The following ERC2 variants were observed in gnomAD, a reference collection of about 807,000 sequenced individuals.
The protein encoded by ERC2 is ELKS/RAB6-interacting/CAST family member 2, also known as ERC protein 2.
ERC2 carries 42 observed loss-of-function variants against 114.8 expected under a neutral mutation model. That is an observed-to-expected ratio of 0.37 (90% CI 0.29 to 0.47). ERC2 has a LOEUF of 0.47. ERC2 is among the 20% of genes least tolerant of loss of function. The probability of loss-of-function intolerance (pLI) is 0.99; values close to 1 mark genes in which losing one functional copy is unlikely to be tolerated. For missense variants in ERC2, 939 were observed against 1,150.7 expected, an observed-to-expected ratio of 0.82 and a Z score of 2.66; for synonymous variants, 454 against 425.5, an observed-to-expected ratio of 1.07 and a Z score of -0.82.
At chr3:56,147,433 T>A (rs1316541453) in intron 5 of ERC2, among the ~76,000 whole-genome samples, 1 of 152,156 alleles carries the variant, frequency 6.6e-6, no homozygotes, top group Non-Finnish European at 1.5e-5. Context: ...GAAGTATGAA[T>A]AGTTTTGTGT....
intron 17 of ERC2, among the ~76,000 whole-genome samples, chr3:55,655,004 C>T (rs980698154): frequency 1.3e-5 from 2 of 152,198 alleles, no homozygotes; most frequent in African/African-American, 4.8e-5. Context: ...CTAAGGCTCA[C>T]CCTATACAGG....
chr3:56,162,909 T>G (rs1028779363), intron 4 of ERC2, among the ~76,000 whole-genome samples: 1 of 152,026 alleles, frequency 6.6e-6, no homozygotes, highest in South Asian at 2.1e-4. Context: ...TCTGCTAGCT[T>G]TGGGGTAAGT....
chr3:55,761,243 C>T (rs2148995881), intron 14 of ERC2, among the ~76,000 whole-genome samples: 1 of 152,254 alleles, frequency 6.6e-6, no homozygotes, highest in African/African-American at 2.4e-5. Flanking sequence ...AGAGAGTAAA[C>T]ATTTTAAGCT....
At chr3:56,302,988 TCTC>T (rs1477020779) in intron 2 of ERC2, among the ~76,000 whole-genome samples, 11 of 152,214 alleles carry the variant, frequency 7.2e-5, no homozygotes, top group African/African-American at 2.7e-4. Context: ...AACAGCTAAT[TCTC>T]CTCAAGTGCA....
rs557211987 is a variant in ERC2, at chr3:56,179,276, G to A, written c.1075-5756C>T. On this transcript the variant is annotated intron_variant, in intron 3 of 17. Transcript: ENST00000288221. ...TGTGGCTGAAGTTGCATGAGGGATG[G>A]GGTAAGTAGAAAGCCAAAGAAGTGC... is the stretch of plus-strand genomic sequence containing the variant. Among the ~76,000 whole-genome samples, 3 of 152,194 alleles carry A rather than the reference G, an allele frequency of 2.0e-5. No individual in the cohort carries two copies. In the South Asian group the frequency reaches 6.2e-4, roughly 32 times the overall value.
In ERC2 at chr3:56,173,318, GAAGTA is replaced by G; in HGVS notation, c.1149+123_1149+127del. 3 of 844,918 alleles carry G rather than the reference GAAGTA, an allele frequency of 3.6e-6. No homozygotes were observed. The South Asian group carries it at 4.5e-5, about 13-fold the overall frequency. 52.3% of individuals were successfully genotyped at this position (844,918 alleles called of 1,614,324 possible). On this transcript the variant is annotated intron_variant, in intron 4 of 17. Transcript: ENST00000288221. ...TGCCCAGGAAGGTAAAAAAAATCCA[GAAGTA>G]AAGCATCCAGCAGGGTGCCTAGAGA...
At position 55,734,762 on chromosome 3, in the gene ERC2, A is replaced by C. The variant is rs1447989541; in HGVS notation, c.2712+9T>G. The C allele has an allele frequency of 1.2e-6, 2 of 1,602,206 alleles. No homozygotes were observed. On this transcript the variant is annotated intron_variant, in intron 15 of 17. Transcript: ENST00000288221. ...CAGAAAAACACACCTGTCTTGCAGG[A>C]GGCCCCACCTGCTGCTTTAATTGAT... is the stretch of plus-strand genomic sequence containing the variant.
chr3:56,211,344 T>C (rs2049046609), intron 3 of ERC2, among the ~76,000 whole-genome samples: 1 of 152,100 alleles, frequency 6.6e-6, no homozygotes, highest in African/African-American at 2.4e-5. Flanking sequence ...TCAAACCCTT[T>C]TACAATAGCT....
intron 5 of ERC2, among the ~76,000 whole-genome samples, chr3:56,144,295 T>C (rs1011396879): frequency 6.6e-6 from 1 of 152,138 alleles, no homozygotes; most frequent in Non-Finnish European, 1.5e-5. Context: ...GAATATAGTA[T>C]AAATAAAAAC....
At chr3:55,850,001 G>C (rs570324679) in intron 14 of ERC2, among the ~76,000 whole-genome samples, 5 of 152,318 alleles carry the variant, frequency 3.3e-5, no homozygotes, top group Admixed American at 1.3e-4. Flanking sequence ...AGCAGAGTTG[G>C]TTCCTTCTGG....
chr3:55,922,430 C>T (rs1050675891), intron 13 of ERC2, among the ~76,000 whole-genome samples: 1 of 151,968 alleles, frequency 6.6e-6, no homozygotes, highest in Admixed American at 6.6e-5. Context: ...CCAGCGGAAG[C>T]AACACACTTT....
chr3:56,144,848 TA>T (rs142217680), intron 5 of ERC2, among the ~76,000 whole-genome samples: 29 of 152,066 alleles, frequency 1.9e-4, no homozygotes, highest in Non-Finnish European at 3.4e-4. Context: ...AGTTACAGGG[TA>T]AAAAAAATCA....
At chr3:55,885,433 G>A (rs912777048) in intron 14 of ERC2, among the ~76,000 whole-genome samples, 1 of 152,218 alleles carries the variant, frequency 6.6e-6, no homozygotes, top group African/African-American at 2.4e-5. Context: ...AAGCCCACAG[G>A]TTGGGCTTCT....
chr3:55,723,567 C>T (rs942883687), intron 15 of ERC2, among the ~76,000 whole-genome samples: 3 of 151,716 alleles, frequency 2.0e-5, no homozygotes, highest in East Asian at 3.9e-4. Context: ...TGACATCTTC[C>T]CCAAAAGAAT....
At chr3:56,446,630 T>TC (rs2062585206) in intron 1 of ERC2, among the ~76,000 whole-genome samples, 1 of 138,858 alleles carries the variant, frequency 7.2e-6, no homozygotes, top group African/African-American at 2.7e-5. Flanking sequence ...TTTTTCTTTC[T>TC]TTTTTTTTTT....
intron 2 of ERC2, among the ~76,000 whole-genome samples, chr3:56,324,493 G>T (rs2057268685): frequency 6.6e-6 from 1 of 152,168 alleles, no homozygotes; most frequent in African/African-American, 2.4e-5. Flanking sequence ...ACTGACATTA[G>T]CCTACAGTCG....
chr3:55,864,170 C>CACAT lies in ERC2; in HGVS notation c.2564+24218_2564+24219insATGT, dbSNP rs1424325418. Among the ~76,000 whole-genome samples, 135 of 110,124 alleles carry CACAT rather than the reference C, an allele frequency of 1.2e-3. 1 individual carries two copies. Among genetic ancestry groups the CACAT allele is most frequent in the African/African-American group, 5.6e-3 (126 of 22,584 alleles). 72.2% of individuals were successfully genotyped at this position (110,124 alleles called of 152,430 possible). ...ATATATATATACACATATATATACA[C>CACAT]ATATATATATACACATATATATATA... On this transcript the variant is annotated intron_variant, in intron 14 of 17. Transcript: ENST00000288221.
At chr3:56,467,571 G>A (rs1222422883) in intron 1 of ERC2, among the ~76,000 whole-genome samples, 2 of 151,952 alleles carry the variant, frequency 1.3e-5, no homozygotes, top group Non-Finnish European at 2.9e-5. Context: ...TTTTAATTAG[G>A]TACACCTTCG....
chr3:56,078,032 T>G (rs1224267796), intron 7 of ERC2, among the ~76,000 whole-genome samples: 1 of 151,844 alleles, frequency 6.6e-6, no homozygotes, highest in Non-Finnish European at 1.5e-5. Context: ...AAATGAAAAA[T>G]CTTCTTCTGA....
Sources: allele counts gnomAD v4.1 joint callset (sites outside exome capture counted in the v4.1 genomes callset), GRCh38; gene constraint gnomAD v4.1.1; transcripts MANE v1.5; gene names NCBI Gene and HGNC (gene_info 2026-07-23, HGNC 2026-07-21).